SLC30A5: variants seen among roughly 807,000 people sequenced by gnomAD.
SLC30A5 encodes the protein solute carrier family 30 member 5.
SLC30A5 carries 33 observed loss-of-function variants against 79.6 expected under a neutral mutation model. The ratio of observed to expected loss-of-function variants is 0.41; its 90% confidence interval spans 0.31 to 0.55. SLC30A5 has a LOEUF of 0.55. SLC30A5 is among the 20% of genes least tolerant of loss of function. SLC30A5 has a pLI of 0.20. For missense variants in SLC30A5, 788 were observed against 928.1 expected (o/e 0.85, Z 1.96); for synonymous variants, 299 against 319.7 (o/e 0.94, Z 0.69).
At chr5:69,100,718 C>T in intron 1 of SLC30A5, 89 bp from the exon 2 acceptor site, 4 of 1,075,566 alleles carry the variant, frequency 3.7e-6, no homozygotes, top group Admixed American at 2.3e-5. Flanking sequence ...TCTGTGGTTT[C>T]TGTAATGACC....
At chr5:69,097,109 C>CTTTTTTTTTTT (rs1228027917) in intron 1 of SLC30A5, among the ~76,000 whole-genome samples, 32 of 87,946 alleles carry the variant, frequency 3.6e-4, no homozygotes, top group African/African-American at 6.7e-4. Flanking sequence ...CTCTCTTTTT[C>CTTTTTTTTTTT]TTTTTTTTTT....
At chr5:69,110,857 A>G (rs1336072455) in intron 5 of SLC30A5, among the ~76,000 whole-genome samples, 1 of 152,234 alleles carries the variant, frequency 6.6e-6, no homozygotes, top group East Asian at 1.9e-4. Flanking sequence ...ACTGGGAATG[A>G]CAACTCACAA....
At chr5:69,110,005 C>A (rs184604498) in intron 5 of SLC30A5, among the ~76,000 whole-genome samples, 1 of 152,174 alleles carries the variant, frequency 6.6e-6, no homozygotes, top group East Asian at 1.9e-4. Context: ...TGAATCAACA[C>A]GCTTTGTGGG....
chr5:69,124,471 G>A (rs561661330), intron 14 of SLC30A5, among the ~76,000 whole-genome samples: 1 of 151,798 alleles, frequency 6.6e-6, no homozygotes, highest in East Asian at 1.9e-4. Flanking sequence ...TTACTTTGTG[G>A]GGAAAAAAAA....
At chr5:69,117,791 C>T (rs191428422) in intron 11 of SLC30A5, among the ~76,000 whole-genome samples, 1,773 of 148,422 alleles carry the variant, frequency 0.012, 23 homozygotes, top group African/African-American at 0.041. Context: ...GCAGGAGAAT[C>T]GCTTGAACCC....
In SLC30A5 at chr5:69,129,812, T is replaced by A; in HGVS notation, c.*195T>A. The A allele has an allele frequency of 2.2e-6, 1 of 452,100 alleles. No homozygotes were observed. Among genetic ancestry groups the A allele is most frequent in the Non-Finnish European group, 3.8e-6 (1 of 260,578 alleles). 28.0% of individuals were successfully genotyped at this position (452,100 alleles called of 1,614,324 possible). ...TAATGGTAAAAGTGGAGTAATTATT[T>A]AAATTATGTGTATAAAAGGAATCAA... On this transcript the variant is annotated 3_prime_UTR_variant, in exon 16 of 16. Transcript: ENST00000396591.
At chr5:69,102,297 G>A (rs1294629970) in intron 2 of SLC30A5, among the ~76,000 whole-genome samples, 5 of 151,364 alleles carry the variant, frequency 3.3e-5, no homozygotes, top group African/African-American at 4.9e-5. Flanking sequence ...CAGGTGATCC[G>A]CCCACCTCGG....
At chr5:69,117,437 A>C in intron 11 of SLC30A5, 41 bp downstream of exon 11, 1 of 1,538,180 alleles carries the variant, frequency 6.5e-7, no homozygotes, top group Non-Finnish European at 8.9e-7. Context: ...CTTAAGTGCA[A>C]ATTCCATCTT....
intron 4 of SLC30A5, among the ~76,000 whole-genome samples, chr5:69,107,352 A>G (rs749770203): frequency 2.0e-5 from 3 of 152,200 alleles, no homozygotes; most frequent in Non-Finnish European, 4.4e-5. Flanking sequence ...GACCTGTCTG[A>G]AGCTATTTTA....
rs1284141649 is a variant in SLC30A5, at chr5:69,130,055, T to C, written c.*438T>C. 1 of 152,288 alleles carries C rather than the reference T, an allele frequency of 6.6e-6. No individual in the cohort carries two copies. Among genetic ancestry groups the C allele is most frequent in the Non-Finnish European group, 1.5e-5 (1 of 68,116 alleles). The allele number at this position is 152,288 out of a possible 1,614,324, so 9.4% of individuals were successfully genotyped here. On this transcript the variant is annotated 3_prime_UTR_variant, in exon 16 of 16. Coordinates refer to ENST00000396591, the MANE Select transcript of SLC30A5 (RefSeq NM_022902.5). ...GAATAAAAGTTCTATATTTATGGAT[T>C]TTCTGTATATAAAACTGGTTTCTAA...
At chr5:69,111,761 C>T (rs1427421362) in intron 5 of SLC30A5, among the ~76,000 whole-genome samples, 1 of 152,144 alleles carries the variant, frequency 6.6e-6, no homozygotes, top group Non-Finnish European at 1.5e-5. Flanking sequence ...CATGGTTTTT[C>T]TCATGTGTAG....
chr5:69,121,010 A>C (rs556077260), intron 12 of SLC30A5, among the ~76,000 whole-genome samples: 64 of 152,314 alleles, frequency 4.2e-4, no homozygotes, highest in Non-Finnish European at 2.9e-5. Context: ...AAAAAATGAG[A>C]GGCCAGGCAT....
chr5:69,119,340 T>G (rs1278708739), intron 12 of SLC30A5, among the ~76,000 whole-genome samples: 1 of 152,168 alleles, frequency 6.6e-6, no homozygotes, highest in Non-Finnish European at 1.5e-5. Flanking sequence ...TTGGAAATAC[T>G]TTCTTTTAAT....
rs1349198961 is a variant in SLC30A5 at position 69,130,978 on chromosome 5, TTTG to T, written c.*1366_*1368del. ...TTTAATATATGAGGGGTTTTAGAAATTTGTTGTAAGTTATTTTTATATTCCTTG... is the reference window on the plus strand; with the variant it reads ...TTTAATATATGAGGGGTTTTAGAAATTTGTAAGTTATTTTTATATTCCTTG... On this transcript the variant is annotated 3_prime_UTR_variant, in exon 16 of 16. Transcript: ENST00000396591. 6.6e-6 allele frequency: 1 copy of T among 152,168 alleles called. No homozygotes were observed. Among genetic ancestry groups the T allele is most frequent in the Admixed American group, 6.6e-5 (1 of 15,266 alleles). 9.4% of individuals were successfully genotyped at this position (152,168 alleles called of 1,614,324 possible).
chr5:69,109,228 C>T (rs766290189), intron 5 of SLC30A5, among the ~76,000 whole-genome samples: 52 of 152,022 alleles, frequency 3.4e-4, no homozygotes, highest in Admixed American at 2.7e-3. Context: ...AGGCTAAATG[C>T]TCGAGGGGAT....
intron 15 of SLC30A5, among the ~76,000 whole-genome samples, 188 bp downstream of exon 15, chr5:69,128,320 C>T (rs1309573791): frequency 4.8e-5 from 7 of 144,406 alleles, no homozygotes; most frequent in Non-Finnish European, 8.9e-5. Flanking sequence ...GGCGTGATCT[C>T]GGCCCACTGC....
At chr5:69,117,961 G>A (rs1746417844) in intron 11 of SLC30A5, among the ~76,000 whole-genome samples, 1 of 151,248 alleles carries the variant, frequency 6.6e-6, no homozygotes, top group Non-Finnish European at 1.5e-5. Flanking sequence ...GGATCACAGG[G>A]TCAGGAGATC....
intron 1 of SLC30A5, among the ~76,000 whole-genome samples, chr5:69,097,109 CTT>C (rs1228027917): frequency 6.8e-5 from 6 of 87,902 alleles, no homozygotes; most frequent in African/African-American, 1.9e-4. Flanking sequence ...CTCTCTTTTT[CTT>C]TTTTTTTTTT....
chr5:69,125,234 A>G (rs912738084), intron 14 of SLC30A5, among the ~76,000 whole-genome samples: 29 of 152,238 alleles, frequency 1.9e-4, no homozygotes, highest in African/African-American at 6.7e-4. Context: ...TACTAAAAAT[A>G]CAAAAATTAG....
Sources: allele counts gnomAD v4.1 joint callset (sites outside exome capture counted in the v4.1 genomes callset), GRCh38; gene constraint gnomAD v4.1.1; transcripts MANE v1.5; gene names NCBI Gene and HGNC (gene_info 2026-07-23, HGNC 2026-07-21).